ESYT2: variants seen among roughly 807,000 people sequenced by gnomAD.
The protein encoded by ESYT2 is extended synaptotagmin 2.
In ESYT2, 54 loss-of-function variants were observed where a neutral mutation model predicts 107.2. That is an observed-to-expected ratio of 0.50 (90% CI 0.40 to 0.63). The LOEUF is 0.63. Among genes scored for constraint, ESYT2 ranks in the 30% least tolerant of loss-of-function variants. The pLI, the probability that ESYT2 is intolerant of heterozygous loss-of-function variation, is 0.00. For synonymous variants in ESYT2, 491 were observed against 434.1 expected, an observed-to-expected ratio of 1.13 and a Z score of -1.63; for missense variants, 1,020 against 1,094.5, an observed-to-expected ratio of 0.93 and a Z score of 0.96.
intron 8 of ESYT2, among the ~76,000 whole-genome samples, chr7:158,766,356 G>C (rs1218239237): frequency 6.6e-6 from 1 of 152,178 alleles, no homozygotes; most frequent in African/African-American, 2.4e-5. Flanking sequence ...GCTGAGGGCA[G>C]CCAGATCCAG....
intron 20 of ESYT2, 97 bp downstream of exon 20, chr7:158,736,951 A>C: frequency 6.6e-7 from 1 of 1,509,024 alleles, no homozygotes; most frequent in Non-Finnish European, 9.0e-7. Context: ...TCAACAGCTG[A>C]TTTATGTGCT....
intron 13 of ESYT2, 87 bp from the exon 14 acceptor site, chr7:158,752,930 G>A: frequency 2.3e-6 from 2 of 874,896 alleles, no homozygotes; most frequent in African/African-American, 1.8e-5. Flanking sequence ...GAAAATTTAT[G>A]GGAATAAACA....
At chr7:158,739,157 G>A (rs1451799926) in intron 18 of ESYT2, 36 bp from the exon 19 acceptor site, 2 of 1,577,408 alleles carry the variant, frequency 1.3e-6, no homozygotes, top group Admixed American at 3.3e-5. Flanking sequence ...CAGCTTGCCT[G>A]AGACTGGAGA....
At chr7:158,780,247 C>T (rs1049033822) in intron 6 of ESYT2, among the ~76,000 whole-genome samples, 2 of 152,230 alleles carry the variant, frequency 1.3e-5, no homozygotes, top group African/African-American at 2.4e-5. Flanking sequence ...AGAGGCCACA[C>T]GCCAGGCTCC....
At chr7:158,740,170 C>G (rs1837140713) in intron 18 of ESYT2, among the ~76,000 whole-genome samples, 1 of 152,238 alleles carries the variant, frequency 6.6e-6, no homozygotes, top group Non-Finnish European at 1.5e-5. Context: ...TGACCACGGA[C>G]TGCTGCTGGC....
intron 2 of ESYT2, among the ~76,000 whole-genome samples, chr7:158,798,496 A>C (rs1839536463): frequency 6.6e-6 from 1 of 151,824 alleles, no homozygotes; most frequent in African/African-American, 2.4e-5. Flanking sequence ...AAAATACAAA[A>C]TTAGCCAGGC....
chr7:158,779,650 C>G lies in ESYT2; in HGVS notation c.748-6254G>C, dbSNP rs143545424. Among the ~76,000 whole-genome samples the G allele has an allele frequency of 5.1e-3, 773 of 152,292 alleles. 4 individuals carry two copies. The highest frequency in any genetic ancestry group is 7.9e-3 in the Non-Finnish European group (536 of 68,020). ...GGAAGAAACGACTGATTTTTAAGGA[C>G]AGCTGTGCAGACGGTGCTGCGGCCC... On this transcript the variant is annotated intron_variant, in intron 6 of 22. Transcript: ENST00000275418.
intron 13 of ESYT2, 96 bp from the exon 14 acceptor site, chr7:158,752,939 C>G (rs1587390234): frequency 2.0e-5 from 16 of 802,214 alleles, no homozygotes; most frequent in Middle Eastern, 2.8e-4. Context: ...TGGGAATAAA[C>G]AAACAAAAAT....
intron 11 of ESYT2, among the ~76,000 whole-genome samples, chr7:158,760,387 C>A (rs1432664399): frequency 6.6e-6 from 1 of 152,242 alleles, no homozygotes; most frequent in East Asian, 1.9e-4. Flanking sequence ...TTTACACACA[C>A]CAACCCCGTG....
chr7:158,829,481 G>A lies in ESYT2; in HGVS notation c.-63C>T. On this transcript the variant is annotated 5_prime_UTR_variant, in exon 1 of 23. Coordinates refer to ENST00000275418, the MANE Select transcript of ESYT2 (RefSeq NM_001367773.1). ...GGCTGGGTGCTCGCGCTGATCCCGG[G>A]CGGCTCAGCCCCGCGCCAGCGCCCC... The A allele has an allele frequency of 1.6e-6, 2 of 1,215,842 alleles. No homozygotes were observed. The highest frequency in any genetic ancestry group is 1.0e-6 in the Non-Finnish European group (1 of 978,196). 75.3% of individuals were successfully genotyped at this position (1,215,842 alleles called of 1,614,324 possible).
intron 1 of ESYT2, among the ~76,000 whole-genome samples, chr7:158,808,048 T>A (rs377408675): frequency 1.5e-4 from 23 of 152,282 alleles, no homozygotes; most frequent in African/African-American, 4.6e-4. Context: ...TTCCTTTTTT[T>A]ATTAGAAATA....
At chr7:158,806,666 C>T (rs1019707066) in intron 1 of ESYT2, among the ~76,000 whole-genome samples, 3 of 152,118 alleles carry the variant, frequency 2.0e-5, no homozygotes, top group Non-Finnish European at 4.4e-5. Context: ...ATTCTGAAGT[C>T]CTTTAGACAT....
At position 158,804,453 on chromosome 7, in the gene ESYT2, GTGTGTGA is replaced by G. The variant is rs1480455533; in HGVS notation, c.331-5388_331-5382del. ...AACCCAAACTGCCGAGAAAGGTGAG[GTGTGTGA>G]CAAACCCAAACTGCCGAGAAGGGTG... On this transcript the variant is annotated intron_variant, in intron 1 of 22. Coordinates refer to ENST00000275418, the MANE Select transcript of ESYT2 (RefSeq NM_001367773.1). 2.7e-5 allele frequency among the ~76,000 whole-genome samples: 4 copies of G among 147,170 alleles called. No homozygotes were observed. The East Asian group carries it at 8.2e-4, about 30-fold the overall frequency.
chr7:158,766,177 A>G (rs1226703227), intron 8 of ESYT2, among the ~76,000 whole-genome samples: 4 of 152,224 alleles, frequency 2.6e-5, no homozygotes, highest in Admixed American at 1.3e-4. Context: ...TCAAAAAAAA[A>G]AAAATTTACA....
At chr7:158,791,600 G>T (rs1182911009) in intron 4 of ESYT2, among the ~76,000 whole-genome samples, 2 of 152,170 alleles carry the variant, frequency 1.3e-5, no homozygotes, top group African/African-American at 4.8e-5. Context: ...GGTTTCTTTT[G>T]ACAGTAGCCT....
At chr7:158,799,740 A>G (rs2788500) in intron 1 of ESYT2, among the ~76,000 whole-genome samples, 141,276 of 152,252 alleles carry the variant, frequency 0.93, 65,644 homozygotes, top group East Asian at 0.95. Context: ...GCTCCTCTCC[A>G]TACCATCATC....
chr7:158,788,195 G>T, intron 5 of ESYT2, 102 bp from the exon 6 acceptor site: 1 of 1,191,452 alleles, frequency 8.4e-7, no homozygotes, highest in Non-Finnish European at 1.2e-6. Context: ...TTGAGCATGT[G>T]ACTTCTTATT....
At chr7:158,765,207 A>C (rs951160729) in intron 8 of ESYT2, among the ~76,000 whole-genome samples, 4 of 152,138 alleles carry the variant, frequency 2.6e-5, no homozygotes, top group African/African-American at 9.7e-5. Flanking sequence ...AGGACCCAGC[A>C]CAGTACCATG....
chr7:158,825,486 G>A (rs1191017454), intron 1 of ESYT2, among the ~76,000 whole-genome samples: 1 of 152,146 alleles, frequency 6.6e-6, no homozygotes, highest in Non-Finnish European at 1.5e-5. Context: ...AAGAAGTGAA[G>A]AATAACAACA....
Sources: gnomAD v4.1 joint callset for allele counts (sites outside exome capture counted in the v4.1 genomes callset) on GRCh38, gnomAD v4.1.1 for gene constraint, MANE v1.5 for transcripts, NCBI Gene and HGNC (gene_info 2026-07-23, HGNC 2026-07-21) for gene names.